The following MYOM2 variants were observed in gnomAD, a reference collection of about 807,000 sequenced individuals.
MYOM2 encodes myomesin-2.
In MYOM2, 254 loss-of-function variants were observed where a neutral mutation model predicts 187.6. The observed-to-expected ratio is 1.35, with a 90% CI of 1.22 to 1.50. The LOEUF (loss-of-function observed/expected upper bound fraction) is 1.50, where lower values mean the gene tolerates loss of function less well. MYOM2 is among the 40% of genes most tolerant of loss of function. The probability of loss-of-function intolerance (pLI) is 0.00; values close to 1 mark genes in which losing one functional copy is unlikely to be tolerated. For synonymous variants in MYOM2, 981 were observed against 753.8 expected (o/e 1.30, Z -4.94); for missense variants, 2,796 against 1,924.0 (o/e 1.45, Z -8.48).
chr8:2,079,011 C>G, intron 12 of MYOM2, 78 bp downstream of exon 12: 1 of 1,419,518 alleles, frequency 7.0e-7, no homozygotes. Context: ...GTCTCTTTCC[C>G]TCCCAACTCG....
intron 31 of MYOM2, among the ~76,000 whole-genome samples, chr8:2,126,408 C>T (rs145642374): frequency 5.4e-5 from 8 of 149,278 alleles, no homozygotes; most frequent in Non-Finnish European, 1.2e-4. Context: ...CACACACACA[C>T]GATTTCCCAC....
chr8:2,084,082 A>G (rs950541722), intron 13 of MYOM2, among the ~76,000 whole-genome samples: 2 of 152,188 alleles, frequency 1.3e-5, no homozygotes, highest in African/African-American at 2.4e-5. Flanking sequence ...CAGTTTTGGA[A>G]TTTCGGCAAG....
intron 4 of MYOM2, 65 bp from the exon 5 acceptor site, chr8:2,057,558 G>C (rs3765208): frequency 1.2e-6 from 2 of 1,611,718 alleles, no homozygotes; most frequent in African/African-American, 1.3e-5. Context: ...CATGGTGCTT[G>C]AGGGGCCGAG....
At position 2,109,677 on chromosome 8, in the gene MYOM2, T is replaced by TG. The variant is rs1452182934; in HGVS notation, c.3180+148dup. Reference sequence around the variant, plus strand: ...GGGCATGGAAGGTTGACAAGATGAATGGAGATGGTTGATTCTTACAATGTT... The same window carrying TG: ...GGGCATGGAAGGTTGACAAGATGAATGGGAGATGGTTGATTCTTACAATGTT... On this transcript the variant is annotated intron_variant, in intron 25 of 36. Coordinates refer to ENST00000262113, the MANE Select transcript of MYOM2 (RefSeq NM_003970.4). The TG allele has an allele frequency of 4.7e-6, 4 of 848,778 alleles. No homozygotes were observed. The African/African-American group carries it at 7.0e-5, about 15-fold the overall frequency. 52.6% of individuals were successfully genotyped at this position (848,778 alleles called of 1,614,324 possible). A position where few individuals can be genotyped will look rare whatever the true frequency, so the allele number is the denominator to read the frequency against.
At chr8:2,071,750 CCT>C (rs1819229055) in intron 8 of MYOM2, among the ~76,000 whole-genome samples, 1 of 152,194 alleles carries the variant, frequency 6.6e-6, no homozygotes, top group South Asian at 2.1e-4. Flanking sequence ...AAACACTTAT[CCT>C]CTCTGTTCTG....
At chr8:2,106,768 CTAAAGTT>C (rs1356477533) in intron 23 of MYOM2, among the ~76,000 whole-genome samples, 171 bp downstream of exon 23, 1 of 152,192 alleles carries the variant, frequency 6.6e-6, no homozygotes, top group African/African-American at 2.4e-5. Flanking sequence ...TAAACAAACT[CTAAAGTT>C]TATACTGTTT....
At chr8:2,069,229 C>G (rs914344223) in intron 6 of MYOM2, 49 bp from the exon 7 acceptor site, 3 of 1,565,218 alleles carry the variant, frequency 1.9e-6, no homozygotes, top group Middle Eastern at 4.7e-4. Flanking sequence ...GGGTCACTGA[C>G]TTTTACACAA....
Position 2,129,179 on chromosome 8 carries a change from T to A in MYOM2, c.3747T>A (p.Leu1249=), listed in dbSNP as rs1466851930. The A allele has an allele frequency of 2.5e-6, 4 of 1,612,306 alleles. No homozygotes were observed. The East Asian group carries it at 8.9e-5, about 36-fold the overall frequency. ...KVLCTPEGIR[L]QCFMKYFTDE... is the part of the protein sequence containing the mutation. ...TCTGCACCCCAGAAGGAATACGACTTCAGTGTTTCATGAAGTATTTTACAG... is the reference window on the plus strand; with the variant it reads ...TCTGCACCCCAGAAGGAATACGACTACAGTGTTTCATGAAGTATTTTACAG... The change falls in exon 32 of 37, where the codon CTT becomes CTA. Residue 1249 remains leucine (L), a synonymous_variant. Coordinates refer to ENST00000262113, the MANE Select transcript of MYOM2 (RefSeq NM_003970.4).
At chr8:2,058,106 C>A (rs1818735360) in intron 5 of MYOM2, among the ~76,000 whole-genome samples, 1 of 135,472 alleles carries the variant, frequency 7.4e-6, no homozygotes, top group Non-Finnish European at 1.5e-5. Context: ...GCAATCTCCA[C>A]TTCCCTGGTT....
chr8:2,122,823 T>C (rs1027622961), intron 28 of MYOM2, among the ~76,000 whole-genome samples: 6 of 152,246 alleles, frequency 3.9e-5, no homozygotes, highest in Admixed American at 3.3e-4. Flanking sequence ...ATTTTCTTTG[T>C]GTCCCTGTAC....
chr8:2,124,680 C>G lies in MYOM2; in HGVS notation c.3694+463C>G, dbSNP rs563165351. 2.0e-4 allele frequency among the ~76,000 whole-genome samples: 31 copies of G among 152,320 alleles called. No homozygotes were observed. The South Asian group carries it at 2.9e-3, about 14-fold the overall frequency. On this transcript the variant is annotated intron_variant, in intron 31 of 36. Transcript: ENST00000262113. ...TTGTTTTTGGAGGAAACTCCACACT[C>G]TTTTCTATAGTGGCTATATTAATTT...
chr8:2,123,783 A>G (rs914533128), intron 30 of MYOM2, 141 bp downstream of exon 30: 3 of 722,108 alleles, frequency 4.2e-6, no homozygotes, highest in African/African-American at 1.8e-5. Context: ...GAAAAAAACT[A>G]TTTGTTCTTT....
intron 25 of MYOM2, among the ~76,000 whole-genome samples, chr8:2,113,657 A>G (rs1378029374): frequency 6.6e-6 from 1 of 152,166 alleles, no homozygotes; most frequent in African/African-American, 2.4e-5. Context: ...TTGATCAAGA[A>G]GGCTTCTCAG....
rs113315654 is a variant in MYOM2, at chr8:2,096,246, G to C, written c.2126-1G>C. On this transcript the variant is annotated splice_acceptor_variant, in intron 17 of 36. Coordinates refer to ENST00000262113, the MANE Select transcript of MYOM2 (RefSeq NM_003970.4). LOFTEE classifies it high-confidence loss of function. ...AACTCCCTGGTTGTGCTTCCTTGCA[G>C]CCGTCCCGTCCCATCCTTATGGGAT... is the stretch of plus-strand genomic sequence containing the variant. 1 of 1,611,146 alleles carries C rather than the reference G, an allele frequency of 6.2e-7. No individual in the cohort carries two copies. The highest frequency in any genetic ancestry group is 1.1e-5 in the South Asian group (1 of 90,798).
rs1168215469 is a variant in MYOM2, at chr8:2,090,086, C to T, written c.1723C>T (p.Leu575Phe). The T allele has an allele frequency of 1.2e-6, 2 of 1,614,066 alleles. No individual in the cohort carries two copies. The highest frequency in any genetic ancestry group is 8.5e-7 in the Non-Finnish European group (1 of 1,180,006). Residue 575 changes from leucine to phenylalanine, a missense_variant, in exon 15 of 37, where the codon CTC (leucine) becomes TTC (phenylalanine). By Grantham distance (22) the Leu-to-Phe change is conservative. Transcript: ENST00000262113. ...VRSPRYAVFD[L>F]MEGKSYVFRV... ...ATCCCCGAGATATGCCGTGTTTGACCTCATGGAAGGGAAGTCTTATGTGTT... is the reference window on the plus strand; with the variant it reads ...ATCCCCGAGATATGCCGTGTTTGACTTCATGGAAGGGAAGTCTTATGTGTT...
chr8:2,083,210 G>A (rs533784118), intron 13 of MYOM2, among the ~76,000 whole-genome samples: 47 of 152,334 alleles, frequency 3.1e-4, no homozygotes, highest in African/African-American at 1.0e-3. Flanking sequence ...GGTTCATTTA[G>A]TATTGACTTG....
At chr8:2,114,826 C>T (rs1214317584) in intron 25 of MYOM2, among the ~76,000 whole-genome samples, 3 of 151,958 alleles carry the variant, frequency 2.0e-5, no homozygotes, top group Admixed American at 6.6e-5. Flanking sequence ...CTCTGTTGCC[C>T]AAGCGATCCT....
chr8:2,117,804 G>A (rs1287973253), intron 27 of MYOM2, 81 bp from the exon 28 acceptor site: 1 of 855,910 alleles, frequency 1.2e-6, no homozygotes, highest in Non-Finnish European at 1.8e-6. Context: ...TATATGTGTG[G>A]GTATATATAT....
intron 34 of MYOM2, 51 bp downstream of exon 34, chr8:2,141,228 C>G: frequency 6.5e-7 from 1 of 1,546,552 alleles, no homozygotes; most frequent in South Asian, 1.2e-5. Flanking sequence ...AGTTGAGTCC[C>G]AGTCGTTTTG....
Sources: allele counts gnomAD v4.1 joint callset (sites outside exome capture counted in the v4.1 genomes callset), GRCh38; gene constraint gnomAD v4.1.1; transcripts MANE v1.5; gene names NCBI Gene and HGNC (gene_info 2026-07-23, HGNC 2026-07-21).